The following RP1 variants were observed in gnomAD, a reference collection of about 807,000 sequenced individuals.
The protein encoded by RP1 is RP1 axonemal microtubule associated.
In RP1, 16 loss-of-function variants were observed where a neutral mutation model predicts 14.8. The ratio of observed to expected loss-of-function variants is 1.08; its 90% CI spans 0.73 to 1.65. The LOEUF is 1.65. Ranked by LOEUF, RP1 falls within the 40% of genes most tolerant of loss-of-function variation. The pLI, the probability that RP1 is intolerant of heterozygous loss-of-function variation, is 0.00. For missense variants in RP1, 2,631 were observed against 2,535.0 expected, an observed-to-expected ratio of 1.04 and a Z score of -0.81; for synonymous variants, 876 against 883.6, an observed-to-expected ratio of 0.99 and a Z score of 0.15.
At chr8:54,593,656 G>A (rs1805085142) in intron 1 of RP1, among the ~76,000 whole-genome samples, 1 of 152,200 alleles carries the variant, frequency 6.6e-6, no homozygotes, top group Non-Finnish European at 1.5e-5. Flanking sequence ...GACCAGGACA[G>A]GGAAGACTCT....
At chr8:54,620,225 C>G (rs749726053) in intron 1 of RP1, among the ~76,000 whole-genome samples, 19 of 152,224 alleles carry the variant, frequency 1.2e-4, no homozygotes, top group Non-Finnish European at 2.9e-5. Flanking sequence ...CATAACACTA[C>G]TTTGGTCAAT....
intron 22 of RP1, among the ~76,000 whole-genome samples, chr8:54,762,275 A>C (rs1427479083): frequency 6.6e-6 from 1 of 152,108 alleles, no homozygotes; most frequent in Non-Finnish European, 1.5e-5. Context: ...AGAGAAAAAG[A>C]CCACCGAGTG....
intron 14 of RP1, among the ~76,000 whole-genome samples, chr8:54,703,037 A>G (rs1459087178): frequency 6.6e-6 from 1 of 152,196 alleles, no homozygotes; most frequent in Non-Finnish European, 1.5e-5. Flanking sequence ...CAAAGTCTTG[A>G]ACCACTCAAA....
intron 1 of RP1, among the ~76,000 whole-genome samples, chr8:54,601,106 C>T (rs17317599): frequency 0.34 from 52,208 of 151,952 alleles, 9,531 homozygotes; most frequent in Middle Eastern, 0.49. Flanking sequence ...GCCATTCTGC[C>T]TTACAATGTA....
chr8:54,785,191 G>A (rs1810289597), intron 24 of RP1, among the ~76,000 whole-genome samples: 1 of 151,994 alleles, frequency 6.6e-6, no homozygotes. Context: ...CCCAGCTTTA[G>A]GAAACTAGTA....
intron 22 of RP1, among the ~76,000 whole-genome samples, chr8:54,763,485 A>G (rs1205922210): frequency 6.6e-6 from 1 of 152,218 alleles, no homozygotes; most frequent in Non-Finnish European, 1.5e-5. Flanking sequence ...ATAACTACAA[A>G]TAATGACCAA....
At chr8:54,574,808 C>T (rs1377740325) in intron 1 of RP1, among the ~76,000 whole-genome samples, 1 of 152,114 alleles carries the variant, frequency 6.6e-6, no homozygotes, top group African/African-American at 2.4e-5. Flanking sequence ...TGTTGGGTTA[C>T]CTAGGAACGA....
intron 1 of RP1, among the ~76,000 whole-genome samples, chr8:54,592,659 C>A (rs1805065256): frequency 6.6e-6 from 1 of 152,106 alleles, no homozygotes; most frequent in Non-Finnish European, 1.5e-5. Flanking sequence ...AGGAATGGGG[C>A]TTATTTTTCT....
At chr8:54,587,866 C>T (rs993081748) in intron 1 of RP1, among the ~76,000 whole-genome samples, 3 of 152,184 alleles carry the variant, frequency 2.0e-5, no homozygotes, top group African/African-American at 7.2e-5. Flanking sequence ...GCCTTCTTTA[C>T]ATTTTTTCCT....
intron 24 of RP1, among the ~76,000 whole-genome samples, chr8:54,805,582 T>G (rs1810828736): frequency 6.6e-6 from 1 of 152,196 alleles, no homozygotes; most frequent in Admixed American, 6.5e-5. Flanking sequence ...TTCCAAAAAG[T>G]GACTGAGTTT....
Position 54,851,972 on chromosome 8 carries a change from C to A in RP1, c.3836-602C>A, listed in dbSNP as rs139798968. The stretch of plus-strand genomic sequence containing the variant: ...TACTAGTAATATCAGCAAGAACAAT[C>A]GCTTTTCTAATTATTTATTTCTATC... On this transcript the variant is annotated intron_variant, in intron 25 of 28. Coordinates refer to the RP1 transcript ENST00000637698. 2.0e-4 allele frequency among the ~76,000 whole-genome samples: 30 copies of A among 152,246 alleles called. 1 individual carries two copies. Among genetic ancestry groups the A allele is most frequent in the Non-Finnish European group, 4.0e-4 (27 of 68,024 alleles).
intron 27 of RP1, among the ~76,000 whole-genome samples, chr8:54,860,037 G>A (rs1471575310): frequency 6.6e-6 from 1 of 152,110 alleles, no homozygotes; most frequent in East Asian, 1.9e-4. Flanking sequence ...ACAACATCAG[G>A]GCAATCACTA....
At chr8:54,765,639 C>T (rs1585673313) in intron 22 of RP1, among the ~76,000 whole-genome samples, 1 of 152,308 alleles carries the variant, frequency 6.6e-6, no homozygotes, top group South Asian at 2.1e-4. Context: ...TAGACATTCT[C>T]CAGGGATATT....
intron 16 of RP1, among the ~76,000 whole-genome samples, chr8:54,724,177 T>C (rs181585477): frequency 1.3e-5 from 2 of 152,328 alleles, no homozygotes; most frequent in East Asian, 3.9e-4. Flanking sequence ...TTCATAAAAT[T>C]CTGACTATGT....
At chr8:54,665,742 A>G (rs1265071710) in intron 7 of RP1, among the ~76,000 whole-genome samples, 1 of 152,164 alleles carries the variant, frequency 6.6e-6, no homozygotes, top group Non-Finnish European at 1.5e-5. Flanking sequence ...TATCTCTGGA[A>G]TGAACCAGAG....
Position 54,786,026 on chromosome 8 carries a change from G to A in RP1, c.3615+2316G>A, listed in dbSNP as rs544060713. 2.0e-5 allele frequency among the ~76,000 whole-genome samples: 3 copies of A among 152,084 alleles called. No homozygotes were observed. In the East Asian group the frequency reaches 5.8e-4, roughly 29 times the overall value. ...AAATATGTTTATTCAACAATGAACAGCCCCAAGATAACAAATAAAAAAATA... is the reference window on the plus strand; with the variant it reads ...AAATATGTTTATTCAACAATGAACAACCCCAAGATAACAAATAAAAAAATA... On this transcript the variant is annotated intron_variant, in intron 24 of 28. Transcript: ENST00000637698.
At chr8:54,599,624 T>C (rs1011253276) in intron 1 of RP1, among the ~76,000 whole-genome samples, 1 of 152,124 alleles carries the variant, frequency 6.6e-6, no homozygotes, top group Non-Finnish European at 1.5e-5. Context: ...TGGCTAATTT[T>C]TGTATTTTTT....
chr8:54,673,532 G>A (rs1251840305), intron 7 of RP1, among the ~76,000 whole-genome samples: 2 of 152,128 alleles, frequency 1.3e-5, no homozygotes, highest in Non-Finnish European at 2.9e-5. Flanking sequence ...TTGAACCCAG[G>A]AGTTTGAGAC....
chr8:54,645,300 A>G (rs1806522858), intron 3 of RP1, among the ~76,000 whole-genome samples: 1 of 152,202 alleles, frequency 6.6e-6, no homozygotes, highest in African/African-American at 2.4e-5. Context: ...AGAAACTGCC[A>G]AACTGTTTCC....
Sources: allele counts gnomAD v4.1 joint callset (sites outside exome capture counted in the v4.1 genomes callset), GRCh38; gene constraint gnomAD v4.1.1; transcripts MANE v1.5; gene names NCBI Gene and HGNC (gene_info 2026-07-23, HGNC 2026-07-21).